The following SBF2 variants were observed in gnomAD, a reference collection of about 807,000 sequenced individuals.
SBF2 encodes SET binding factor 2.
In SBF2, 112 loss-of-function variants were observed where a neutral mutation model predicts 225.2. That is an observed-to-expected ratio of 0.50 (90% confidence interval 0.43 to 0.58). The LOEUF is 0.58. Ranked by LOEUF, SBF2 falls within the 20% of genes least tolerant of loss-of-function variation. SBF2 has a pLI of 0.00. For synonymous variants in SBF2, 763 were observed against 773.3 expected, an observed-to-expected ratio of 0.99 and a Z score of 0.22; for missense variants, 1,996 against 2,206.2, an observed-to-expected ratio of 0.90 and a Z score of 1.91.
At chr11:10,026,637 C>T (rs1231680798) in intron 6 of SBF2, among the ~76,000 whole-genome samples, 1 of 152,090 alleles carries the variant, frequency 6.6e-6, no homozygotes, top group Non-Finnish European at 1.5e-5. Context: ...ACTCAAGAGG[C>T]TAAGGAGGGA....
At chr11:10,055,549 A>G (rs1008801618) in intron 2 of SBF2, among the ~76,000 whole-genome samples, 5 of 150,356 alleles carry the variant, frequency 3.3e-5, no homozygotes, top group African/African-American at 1.2e-4. Context: ...ACACACACAC[A>G]CACACACACA....
intron 2 of SBF2, among the ~76,000 whole-genome samples, chr11:10,120,766 T>C (rs1953399705): frequency 6.6e-6 from 1 of 152,156 alleles, no homozygotes; most frequent in African/African-American, 2.4e-5. Context: ...ATTACAGGCG[T>C]GTGCCACCAC....
chr11:9,881,995 A>G (rs1410616061), intron 17 of SBF2, among the ~76,000 whole-genome samples: 1 of 152,236 alleles, frequency 6.6e-6, no homozygotes, highest in Non-Finnish European at 1.5e-5. Flanking sequence ...GTTTAAAAAA[A>G]GAAAAATAAA....
chr11:10,189,345 GGAAGA>G lies in SBF2; in HGVS notation c.141+4552_141+4556del, dbSNP rs771767528. Among the ~76,000 whole-genome samples the G allele has an allele frequency of 6.6e-5, 10 of 152,112 alleles. No homozygotes were observed. In the South Asian group the frequency reaches 1.0e-3, roughly 16 times the overall value. ...TTTCAAGCATATTCTTCTACAAAAA[GGAAGA>G]GAAAAGTCTCTTCTAACCAAACAGT... On this transcript the variant is annotated intron_variant, in intron 2 of 39. Coordinates refer to ENST00000256190, the MANE Select transcript of SBF2 (RefSeq NM_030962.4).
chr11:9,930,319 C>G (rs758624015), intron 16 of SBF2, among the ~76,000 whole-genome samples: 5 of 152,048 alleles, frequency 3.3e-5, no homozygotes, highest in Non-Finnish European at 7.4e-5. Context: ...TTGATGCATA[C>G]TACATACATC....
intron 2 of SBF2, among the ~76,000 whole-genome samples, chr11:10,185,319 T>A (rs777569064): frequency 6.6e-6 from 1 of 152,222 alleles, no homozygotes; most frequent in Non-Finnish European, 1.5e-5. Flanking sequence ...AATTTTATTT[T>A]CAATTTTTTT....
chr11:9,919,441 G>A (rs1435439542), intron 16 of SBF2, among the ~76,000 whole-genome samples: 1 of 151,980 alleles, frequency 6.6e-6, no homozygotes, highest in Admixed American at 6.6e-5. Flanking sequence ...CTCAAAAGCC[G>A]AGCTCCCCGA....
chr11:10,240,936 A>G (rs1485306777), intron 1 of SBF2, among the ~76,000 whole-genome samples: 1 of 152,234 alleles, frequency 6.6e-6, no homozygotes, highest in Non-Finnish European at 1.5e-5. Flanking sequence ...ACTTAGAGGA[A>G]TATTAGTGTT....
chr11:10,126,561 T>A (rs1298238274), intron 2 of SBF2, among the ~76,000 whole-genome samples: 1 of 151,872 alleles, frequency 6.6e-6, no homozygotes, highest in African/African-American at 2.4e-5. Flanking sequence ...CATGCAGGAA[T>A]GAAAAAGAAT....
intron 13 of SBF2, among the ~76,000 whole-genome samples, chr11:9,987,309 G>A (rs1328249054): frequency 6.6e-6 from 1 of 152,124 alleles, no homozygotes; most frequent in Non-Finnish European, 1.5e-5. Context: ...CAAACCCACA[G>A]TCACCATAAT....
chr11:10,286,297 AT>A (rs1963778560), intron 1 of SBF2, among the ~76,000 whole-genome samples: 1 of 150,968 alleles, frequency 6.6e-6, no homozygotes, highest in South Asian at 2.1e-4. Context: ...AATATATATG[AT>A]TTTTATTTGT....
chr11:10,258,107 C>CACACA (rs1391665789), intron 1 of SBF2, among the ~76,000 whole-genome samples: 2 of 147,338 alleles, frequency 1.4e-5, no homozygotes, highest in Non-Finnish European at 3.0e-5. Context: ...CACACACACA[C>CACACA]ACTTTTTTTT....
chr11:10,051,235 T>C (rs1382261198), intron 2 of SBF2, among the ~76,000 whole-genome samples: 2 of 152,122 alleles, frequency 1.3e-5, no homozygotes, highest in Non-Finnish European at 2.9e-5. Context: ...AAATTAAATG[T>C]GTCTCTTTTT....
In SBF2 at chr11:9,829,383, C is replaced by G; in HGVS notation, c.3766G>C (p.Val1256Leu). Residue 1256 changes from valine to leucine, a missense_variant, in exon 28 of 40, where the codon GTC (valine) becomes CTC (leucine). Coordinates refer to ENST00000256190, the MANE Select transcript of SBF2 (RefSeq NM_030962.4). ...QKLRGNSTLT[V>L]RPAFALSPGV... The stretch of plus-strand genomic sequence containing the variant: ...GGAGATAGAGCAAAGGCTGGCCTGA[C>G]AGTAAGAGTGCTGTTGCCTCTGAGT... 6.2e-7 allele frequency: 1 copy of G among 1,614,126 alleles called. No individual in the cohort carries two copies. The highest frequency in any genetic ancestry group is 8.5e-7 in the Non-Finnish European group (1 of 1,180,004).
intron 17 of SBF2, among the ~76,000 whole-genome samples, chr11:9,868,685 C>T (rs960532503): frequency 2.6e-5 from 4 of 152,130 alleles, no homozygotes; most frequent in Admixed American, 2.0e-4. Flanking sequence ...TCTTTTTCCA[C>T]CTGCAATTTA....
intron 29 of SBF2, 67 bp downstream of exon 29, chr11:9,816,773 G>C: frequency 6.6e-7 from 1 of 1,505,764 alleles, no homozygotes; most frequent in East Asian, 2.3e-5. Context: ...GCTGGTTTGT[G>C]ATACAGGTTT....
At chr11:10,210,752 C>T (rs550128702) in intron 1 of SBF2, among the ~76,000 whole-genome samples, 1 of 149,664 alleles carries the variant, frequency 6.7e-6, no homozygotes, top group South Asian at 2.1e-4. Flanking sequence ...GTGGCTCACA[C>T]CTGTAATCCC....
chr11:9,951,595 A>G (rs962374688), intron 16 of SBF2, among the ~76,000 whole-genome samples: 3 of 152,200 alleles, frequency 2.0e-5, no homozygotes, highest in Admixed American at 6.5e-5. Flanking sequence ...CATTGCTTTA[A>G]TTTACTAGTT....
intron 2 of SBF2, among the ~76,000 whole-genome samples, chr11:10,119,286 C>A (rs1057028519): frequency 6.6e-5 from 10 of 152,042 alleles, no homozygotes; most frequent in Non-Finnish European, 1.5e-4. Flanking sequence ...ACTATATTTA[C>A]CATTTATGAT....
Sources: allele counts gnomAD v4.1 joint callset (sites outside exome capture counted in the v4.1 genomes callset), GRCh38; gene constraint gnomAD v4.1.1; transcripts MANE v1.5; gene names NCBI Gene and HGNC (gene_info 2026-07-23, HGNC 2026-07-21).